ACAP2: variants seen among roughly 807,000 people sequenced by gnomAD.
The protein encoded by ACAP2 is arf-GAP with coiled-coil, ANK repeat and PH domain-containing protein 2.
In ACAP2, 39 loss-of-function variants were observed where a neutral mutation model predicts 115.8. The ratio of observed to expected loss-of-function variants is 0.34; its 90% CI spans 0.26 to 0.44. The LOEUF is 0.44. Among genes scored for constraint, ACAP2 ranks in the 20% least tolerant of loss-of-function variants. The probability of loss-of-function intolerance (pLI) is 1.00; values close to 1 mark genes in which losing one functional copy is unlikely to be tolerated. For synonymous variants in ACAP2, 289 were observed against 315.8 expected, an observed-to-expected ratio of 0.92 and a Z score of 0.90; for missense variants, 662 against 927.6, an observed-to-expected ratio of 0.71 and a Z score of 3.72.
intron 10 of ACAP2, 26 bp from the exon 11 acceptor site, chr3:195,308,863 T>C (rs200670414): frequency 1.3e-5 from 21 of 1,577,886 alleles, no homozygotes; most frequent in Non-Finnish European, 1.8e-5. Flanking sequence ...ATAGATTAAG[T>C]TTTCATAAAC....
intron 21 of ACAP2, among the ~76,000 whole-genome samples, chr3:195,287,480 G>A (rs139159041): frequency 1.3e-3 from 192 of 151,266 alleles, no homozygotes; most frequent in African/African-American, 3.6e-3. Context: ...CACCACACCC[G>A]GCTAATTTTT....
chr3:195,296,773 G>T (rs966994354), intron 16 of ACAP2, among the ~76,000 whole-genome samples: 7 of 152,142 alleles, frequency 4.6e-5, no homozygotes, highest in Non-Finnish European at 8.8e-5. Flanking sequence ...ATAATGCCAT[G>T]CATAAACTAT....
At chr3:195,403,189 C>G (rs1295207317) in intron 1 of ACAP2, among the ~76,000 whole-genome samples, 1 of 152,112 alleles carries the variant, frequency 6.6e-6, no homozygotes, top group Non-Finnish European at 1.5e-5. Context: ...AAAAAGCCAC[C>G]AATGCAACAT....
intron 1 of ACAP2, among the ~76,000 whole-genome samples, chr3:195,432,566 G>C (rs974884583): frequency 1.2e-4 from 18 of 152,182 alleles, no homozygotes; most frequent in African/African-American, 4.1e-4. Context: ...CCTTATGCCA[G>C]TACTACACCG....
intron 21 of ACAP2, among the ~76,000 whole-genome samples, chr3:195,287,970 G>A (rs142476202): frequency 2.3e-3 from 350 of 152,010 alleles, no homozygotes; most frequent in African/African-American, 4.1e-3. Flanking sequence ...GCGTGGTGGC[G>A]CATGTGTGTA....
intron 10 of ACAP2, among the ~76,000 whole-genome samples, chr3:195,310,302 G>T (rs1331679303): frequency 3.3e-5 from 5 of 152,130 alleles, no homozygotes; most frequent in African/African-American, 4.8e-5. Flanking sequence ...TAGATAAAAT[G>T]AGCTGGGTTG....
At chr3:195,363,248 T>G (rs1404544171) in intron 4 of ACAP2, among the ~76,000 whole-genome samples, 1 of 152,084 alleles carries the variant, frequency 6.6e-6, no homozygotes, top group African/African-American at 2.4e-5. Context: ...AAGTGAAAGA[T>G]CTCCACAATT....
At chr3:195,319,796 G>A (rs1454017896) in intron 10 of ACAP2, among the ~76,000 whole-genome samples, 1 of 152,106 alleles carries the variant, frequency 6.6e-6, no homozygotes, top group Non-Finnish European at 1.5e-5. Flanking sequence ...AGTTAATGCT[G>A]GAATGAGATA....
rs546876570 is a variant in ACAP2, at chr3:195,429,378, C to CAA, written c.53+13415_53+13416dup. On this transcript the variant is annotated intron_variant, in intron 1 of 22. Coordinates refer to ENST00000326793, the MANE Select transcript of ACAP2 (RefSeq NM_012287.6). ...TGGGCAAAAGAGCAAGACTCCATCT[C>CAA]AAAAAAAAAAAAAAAAAATGAACTA... Among the ~76,000 whole-genome samples, 415 of 88,978 alleles carry CAA rather than the reference C, an allele frequency of 4.7e-3. 8 individuals are homozygous for CAA. Among genetic ancestry groups the CAA allele is most frequent in the Middle Eastern group, 0.013 (2 of 154 alleles). 58.4% of individuals were successfully genotyped at this position (88,978 alleles called of 152,430 possible).
At chr3:195,311,029 T>C (rs1179504839) in intron 10 of ACAP2, among the ~76,000 whole-genome samples, 1 of 151,932 alleles carries the variant, frequency 6.6e-6, no homozygotes, top group Non-Finnish European at 1.5e-5. Context: ...AAAGGGAATA[T>C]AATTTTTAAT....
In ACAP2 at chr3:195,321,334, C is replaced by T. The variant is rs371827546; in HGVS notation, c.745-521G>A. ...GCCTCCCGGGTTCAAGTGATTCTCC[C>T]GTCTCAGTCTCCCATGTAGCTCGAA... On this transcript the variant is annotated intron_variant, in intron 9 of 22. Transcript: ENST00000326793. 6.0e-5 allele frequency among the ~76,000 whole-genome samples: 9 copies of T among 149,660 alleles called. No homozygotes were observed. The East Asian group carries it at 1.6e-3, about 27-fold the overall frequency.
At chr3:195,362,757 A>T (rs2108700999) in intron 4 of ACAP2, among the ~76,000 whole-genome samples, 1 of 152,346 alleles carries the variant, frequency 6.6e-6, no homozygotes, top group East Asian at 1.9e-4. Context: ...ATTTGATACA[A>T]TTCAACATAA....
chr3:195,349,974 T>A (rs573069894), intron 4 of ACAP2: 1 of 179,592 alleles, frequency 5.6e-6, no homozygotes, highest in East Asian at 1.8e-4. Context: ...ATTGATTACC[T>A]ATGTGTCTGT....
At chr3:195,418,058 A>G (rs1402754872) in intron 1 of ACAP2, among the ~76,000 whole-genome samples, 1 of 152,072 alleles carries the variant, frequency 6.6e-6, no homozygotes, top group Non-Finnish European at 1.5e-5. Flanking sequence ...CTTATTTAAA[A>G]CGCCTCCGTC....
At chr3:195,426,008 ACTG>A (rs1197165789) in intron 1 of ACAP2, among the ~76,000 whole-genome samples, 2 of 152,276 alleles carry the variant, frequency 1.3e-5, no homozygotes, top group Non-Finnish European at 2.9e-5. Flanking sequence ...ATCTCCCACC[ACTG>A]CTAAAAGCTT....
intron 4 of ACAP2, among the ~76,000 whole-genome samples, chr3:195,348,459 C>A (rs937701651): frequency 6.7e-6 from 1 of 148,856 alleles, no homozygotes; most frequent in South Asian, 2.1e-4. Context: ...ACAAACTCTT[C>A]AAAAAAAAAA....
intron 1 of ACAP2, among the ~76,000 whole-genome samples, chr3:195,405,391 A>G (rs1712674845): frequency 6.6e-6 from 1 of 152,176 alleles, no homozygotes; most frequent in Non-Finnish European, 1.5e-5. Flanking sequence ...TCATTGCTAT[A>G]AAGAAACACC....
At chr3:195,343,372 G>A (rs779532390) in intron 5 of ACAP2, among the ~76,000 whole-genome samples, 3 of 152,100 alleles carry the variant, frequency 2.0e-5, no homozygotes, top group African/African-American at 4.8e-5. Flanking sequence ...TTTAGCCCTC[G>A]AGAAAAATCC....
chr3:195,285,886 T>A, intron 21 of ACAP2, 29 bp from the exon 22 acceptor site: 1 of 1,481,992 alleles, frequency 6.7e-7, no homozygotes, highest in Middle Eastern at 1.8e-4. Flanking sequence ...GTGTTTTAGA[T>A]GACATTATAT....
Sources: allele counts gnomAD v4.1 joint callset (sites outside exome capture counted in the v4.1 genomes callset), GRCh38; gene constraint gnomAD v4.1.1; transcripts MANE v1.5; gene names NCBI Gene and HGNC (gene_info 2026-07-23, HGNC 2026-07-21).